Variants in RIGI observed in about 807,000 individuals in gnomAD.
RIGI encodes RNA sensor RIG-I, also known as antiviral innate immune response receptor RIG-I.
chr9:32,460,027 G>A, the RIGI span, among the ~76,000 whole-genome samples: 13,896 of 152,176 alleles, frequency 0.091, 846 homozygotes, highest in Middle Eastern at 0.17. Context: ...GGGACCCAGG[G>A]GGAGGTAATT....
the RIGI span, chr9:32,488,807 CA>C: frequency 2.5e-6 from 4 of 1,613,140 alleles, no homozygotes; most frequent in Non-Finnish European, 3.4e-6. Flanking sequence ...GCAAAAAAGA[CA>C]ACTTTCCCCT....
the RIGI span, among the ~76,000 whole-genome samples, chr9:32,522,881 T>C: frequency 6.6e-6 from 1 of 152,282 alleles, no homozygotes; most frequent in East Asian, 1.9e-4. Flanking sequence ...AACATGGAAA[T>C]TGACCCTCCT....
chr9:32,466,605 T>A, the RIGI span, among the ~76,000 whole-genome samples: 1 of 149,188 alleles, frequency 6.7e-6, no homozygotes, highest in Admixed American at 6.8e-5. Context: ...TGAGGCAGGA[T>A]TGCTTGAACC....
At chr9:32,515,922 T>C in the RIGI span, among the ~76,000 whole-genome samples, 2 of 152,198 alleles carry the variant, frequency 1.3e-5, no homozygotes, top group African/African-American at 4.8e-5. Flanking sequence ...CCTCCTCTGC[T>C]CATCTCTTAA....
At chr9:32,497,577 C>T in the RIGI span, among the ~76,000 whole-genome samples, 2 of 152,158 alleles carry the variant, frequency 1.3e-5, no homozygotes, top group African/African-American at 4.8e-5. Flanking sequence ...GAAACCCCGT[C>T]TCTACTAAAA....
At chr9:32,508,007 A>G in the RIGI span, among the ~76,000 whole-genome samples, 3 of 152,052 alleles carry the variant, frequency 2.0e-5, no homozygotes, top group African/African-American at 7.2e-5. Context: ...GTTAGCTTAA[A>G]TTACTAGTTT....
chr9:32,493,556 G>C, the RIGI span, among the ~76,000 whole-genome samples: 1 of 151,888 alleles, frequency 6.6e-6, no homozygotes. Context: ...TCAGGAGGCG[G>C]AGGTTGCAAT....
chr9:32,456,009 C>T, the RIGI span: 1 of 152,170 alleles, frequency 6.6e-6, no homozygotes, highest in Non-Finnish European at 1.5e-5. Context: ...GTTTCCACGT[C>T]CAGGAAACCG....
the RIGI span, among the ~76,000 whole-genome samples, chr9:32,465,491 G>C: frequency 6.6e-6 from 1 of 152,014 alleles, no homozygotes; most frequent in African/African-American, 2.4e-5. Flanking sequence ...TCATTTCTTG[G>C]GCACGTATTT....
At chr9:32,520,975 G>A in the RIGI span, among the ~76,000 whole-genome samples, 25 of 151,526 alleles carry the variant, frequency 1.6e-4, 2 homozygotes, top group African/African-American at 2.4e-4. Context: ...GTGAAACCCC[G>A]TCTCTACTAA....
At chr9:32,499,257 A>C in the RIGI span, among the ~76,000 whole-genome samples, 1 of 127,832 alleles carries the variant, frequency 7.8e-6, no homozygotes, top group Non-Finnish European at 1.6e-5. Context: ...TATATTCTAG[A>C]TTCTAATCCT....
chr9:32,504,777 AATATATAAAATATATTTAATACATAAAAT>A, the RIGI span, among the ~76,000 whole-genome samples: 1 of 138,632 alleles, frequency 7.2e-6, no homozygotes, highest in South Asian at 2.2e-4. Flanking sequence ...TAATACATAA[AATATATAAAATATATTTAATACATAAAAT>A]ATATAAAATA....
At chr9:32,489,429 GT>G in the RIGI span, 1 of 1,612,616 alleles carries the variant, frequency 6.2e-7, no homozygotes, top group South Asian at 1.1e-5. Flanking sequence ...TAAATGGGCT[GT>G]ACAAGTTTGT....
the RIGI span, among the ~76,000 whole-genome samples, chr9:32,486,866 T>C: frequency 6.6e-6 from 1 of 152,178 alleles, no homozygotes; most frequent in Non-Finnish European, 1.5e-5. Context: ...AAGGAACTTA[T>C]CTACACCACT....
chr9:32,494,996 A>G, the RIGI span, among the ~76,000 whole-genome samples: 1 of 152,220 alleles, frequency 6.6e-6, no homozygotes, highest in Non-Finnish European at 1.5e-5. Context: ...GGATGTGCAA[A>G]TATCTCATCA....
At chr9:32,489,247 G>A in the RIGI span, 2 of 782,556 alleles carry the variant, frequency 2.6e-6, no homozygotes, top group Non-Finnish European at 2.0e-6. Flanking sequence ...ATGGAACAAG[G>A]AAAAAACTGA....
the RIGI span, among the ~76,000 whole-genome samples, chr9:32,507,388 T>C: frequency 6.6e-6 from 1 of 152,178 alleles, no homozygotes; most frequent in South Asian, 2.1e-4. Context: ...ATCAACCTTA[T>C]TAAACAGATC....
the RIGI span, among the ~76,000 whole-genome samples, chr9:32,476,743 G>C: frequency 6.8e-4 from 103 of 151,278 alleles, no homozygotes; most frequent in Non-Finnish European, 9.6e-4. Context: ...CAATCCTCTA[G>C]CCTTAGCCTC....
At chr9:32,461,608 T>A in the RIGI span, among the ~76,000 whole-genome samples, 6 of 152,058 alleles carry the variant, frequency 3.9e-5, no homozygotes, top group African/African-American at 1.4e-4. Context: ...ATAACATGAG[T>A]TTATGACTGC....
Sources: gnomAD v4.1 joint callset for allele counts (sites outside exome capture counted in the v4.1 genomes callset) on GRCh38, gnomAD v4.1.1 for gene constraint, MANE v1.5 for transcripts, NCBI Gene and HGNC (gene_info 2026-07-23, HGNC 2026-07-21) for gene names.